VPS36: variants seen among roughly 807,000 people sequenced by gnomAD.
VPS36 encodes the protein vacuolar protein-sorting-associated protein 36.
Under a neutral mutation model 63.5 loss-of-function variants are expected in VPS36, and 31 were observed. The ratio of observed to expected loss-of-function variants is 0.49; its 90% confidence interval spans 0.37 to 0.66. VPS36 has a LOEUF of 0.66. Ranked by LOEUF, VPS36 falls within the 30% of genes least tolerant of loss-of-function variation. The pLI is 0.00. For synonymous variants in VPS36, 138 were observed against 157.2 expected (o/e 0.88, Z 0.91); for missense variants, 338 against 463.7 (o/e 0.73, Z 2.49).
chr13:52,438,954 TA>T, intron 3 of VPS36, 143 bp downstream of exon 3: 1 of 608,958 alleles, frequency 1.6e-6, no homozygotes, highest in Non-Finnish European at 2.6e-6. Flanking sequence ...CCATGTATAA[TA>T]AACAAGGATA....
intron 10 of VPS36, among the ~76,000 whole-genome samples, chr13:52,418,573 C>CAAAAA (rs1201650906): frequency 8.0e-4 from 25 of 31,074 alleles, no homozygotes; most frequent in Admixed American, 1.4e-3. Context: ...GACTCCATCT[C>CAAAAA]AAAAAAAAAA....
intron 2 of VPS36, 67 bp downstream of exon 2, chr13:52,442,310 G>T: frequency 6.9e-7 from 1 of 1,439,594 alleles, no homozygotes; most frequent in South Asian, 1.3e-5. Flanking sequence ...AATACAGCGA[G>T]ACCCTGTCTC....
At chr13:52,450,180 C>T in intron 1 of VPS36, 1 of 1,021,474 alleles carries the variant, frequency 9.8e-7, no homozygotes, top group Non-Finnish European at 1.2e-6. Flanking sequence ...ACGGCGAGCG[C>T]TCCTTCTCCC....
chr13:52,414,376 C>G lies in VPS36; in HGVS notation c.*1454G>C, dbSNP rs1373245452. On this transcript the variant is annotated 3_prime_UTR_variant, in exon 14 of 14. Transcript: ENST00000378060. ...GGGGGAACCAGAGGATCTGTCACCA[C>G]AATGAAGAGTCAGTGACAGGTTTGG... The G allele has an allele frequency of 1.3e-5, 2 of 152,232 alleles. No individual in the cohort carries two copies. Among genetic ancestry groups the G allele is most frequent in the Non-Finnish European group, 2.9e-5 (2 of 68,068 alleles). 9.4% of individuals were successfully genotyped at this position (152,232 alleles called of 1,614,324 possible). A position where few individuals can be genotyped will look rare whatever the true frequency, so the allele number is the denominator to read the frequency against.
chr13:52,448,750 TC>T lies in VPS36; in HGVS notation c.96+1748del, dbSNP rs1365950962. Among the ~76,000 whole-genome samples the T allele has an allele frequency of 5.4e-4, 83 of 152,342 alleles. 1 individual carries two copies. The highest frequency in any genetic ancestry group is 1.6e-4 in the Non-Finnish European group (11 of 68,028). On this transcript the variant is annotated intron_variant, in intron 1 of 13. Coordinates refer to ENST00000378060, the MANE Select transcript of VPS36 (RefSeq NM_016075.4). ...CTATACTGCCTGCCAGCAAAGGTGT[TC>T]CTAGTCTTCAAATTGGAGTTCCATA... is the stretch of plus-strand genomic sequence containing the variant.
chr13:52,420,379 C>T (rs1958034336), intron 10 of VPS36, among the ~76,000 whole-genome samples: 2 of 151,368 alleles, frequency 1.3e-5, no homozygotes, highest in South Asian at 4.2e-4. Context: ...GTTGCCCAGG[C>T]TGGAGTGCAG....
intron 6 of VPS36, among the ~76,000 whole-genome samples, chr13:52,430,744 A>G (rs1259279683): frequency 1.3e-5 from 2 of 152,150 alleles, no homozygotes; most frequent in African/African-American, 4.8e-5. Context: ...ACTCAGAATG[A>G]CTAATACACA....
chr13:52,415,182 TC>T lies in VPS36; in HGVS notation c.*647del, dbSNP rs1233880011. On this transcript the variant is annotated 3_prime_UTR_variant, in exon 14 of 14. Transcript: ENST00000378060. ...GTCTATACAGCTCTCTAGTTCAGTT[TC>T]AAAATCCACAGCATTTGGAAACAAA... 2.0e-5 allele frequency: 3 copies of T among 152,138 alleles called. No homozygotes were observed. Among genetic ancestry groups the T allele is most frequent in the Admixed American group, 2.0e-4 (3 of 15,264 alleles). The allele number at this position is 152,138 out of a possible 1,614,324, so 9.4% of individuals were successfully genotyped here.
intron 3 of VPS36, among the ~76,000 whole-genome samples, chr13:52,438,614 C>T (rs1958242596): frequency 6.6e-6 from 1 of 152,170 alleles, no homozygotes; most frequent in Non-Finnish European, 1.5e-5. Flanking sequence ...CGCCTTTATA[C>T]CAGAGTGGCC....
intron 10 of VPS36, among the ~76,000 whole-genome samples, chr13:52,421,390 G>A (rs1958044403): frequency 6.6e-6 from 1 of 152,076 alleles, no homozygotes; most frequent in Non-Finnish European, 1.5e-5. Context: ...AGGAGGGGAT[G>A]GAGAGAGGTT....
At chr13:52,447,644 A>G (rs1208838536) in intron 1 of VPS36, among the ~76,000 whole-genome samples, 1 of 152,198 alleles carries the variant, frequency 6.6e-6, no homozygotes, top group African/African-American at 2.4e-5. Flanking sequence ...TAGCTCTACC[A>G]GTTACTAGTT....
intron 5 of VPS36, 136 bp downstream of exon 5, chr13:52,434,657 C>T (rs61958059): frequency 0.045 from 40,874 of 917,714 alleles, 1,082 homozygotes; most frequent in Middle Eastern, 0.069. Flanking sequence ...CGCGCCCTAC[C>T]GAAAATAAAT....
intron 6 of VPS36, among the ~76,000 whole-genome samples, chr13:52,431,129 T>C (rs186088833): frequency 6.7e-6 from 1 of 149,824 alleles, no homozygotes; most frequent in Non-Finnish European, 1.5e-5. Flanking sequence ...AACATGGAGG[T>C]ACTTATAAAA....
At chr13:52,442,971 G>C (rs549879847) in intron 1 of VPS36, among the ~76,000 whole-genome samples, 1 of 152,292 alleles carries the variant, frequency 6.6e-6, no homozygotes, top group Admixed American at 6.5e-5. Context: ...GAATTTCTTT[G>C]CAATTGAATT....
intron 1 of VPS36, among the ~76,000 whole-genome samples, chr13:52,446,866 A>G (rs1457386548): frequency 1.3e-5 from 2 of 148,962 alleles, no homozygotes. Flanking sequence ...CATGCTAATT[A>G]GGGCATGCCA....
intron 12 of VPS36, 174 bp from the exon 13 acceptor site, chr13:52,416,267 C>T: frequency 1.6e-6 from 1 of 640,234 alleles, no homozygotes; most frequent in South Asian, 2.1e-5. Context: ...TTAACTAATG[C>T]TTAATCCTAC....
In VPS36 at chr13:52,413,756, G is replaced by C. The variant is rs1364399858; in HGVS notation, c.*2074C>G. The C allele has an allele frequency of 6.6e-6, 1 of 152,246 alleles. No homozygotes were observed. The highest frequency in any genetic ancestry group is 1.5e-5 in the Non-Finnish European group (1 of 67,976). 9.4% of individuals were successfully genotyped at this position (152,246 alleles called of 1,614,324 possible). A position where few individuals can be genotyped will look rare whatever the true frequency, so the allele number is the denominator to read the frequency against. ...ACTTTTTTGCACTTAGGGCCTGATT[G>C]GTTGTATTTAAACATAACTTCTACA... On this transcript the variant is annotated 3_prime_UTR_variant, in exon 14 of 14. Transcript: ENST00000378060.
At chr13:52,431,482 G>A (rs146928211) in intron 6 of VPS36, among the ~76,000 whole-genome samples, 2,606 of 152,066 alleles carry the variant, frequency 0.017, 74 homozygotes, top group Admixed American at 0.08. Context: ...AAACCAGAGC[G>A]GTCTGGGCGC....
At chr13:52,434,503 C>T (rs1247225436) in intron 5 of VPS36, among the ~76,000 whole-genome samples, 5 of 152,060 alleles carry the variant, frequency 3.3e-5, no homozygotes, top group South Asian at 2.1e-4. Context: ...GGATTACAGG[C>T]GTGCACCAAC....
Sources: allele counts gnomAD v4.1 joint callset (sites outside exome capture counted in the v4.1 genomes callset), GRCh38; gene constraint gnomAD v4.1.1; transcripts MANE v1.5; gene names NCBI Gene and HGNC (gene_info 2026-07-23, HGNC 2026-07-21).